The following ARB2A variants were observed in gnomAD, a reference collection of about 807,000 sequenced individuals.
ARB2A encodes cotranscriptional regulator ARB2A.
the ARB2A span, among the ~76,000 whole-genome samples, chr5:94,038,456 T>C: frequency 6.6e-6 from 1 of 152,138 alleles, no homozygotes; most frequent in African/African-American, 2.4e-5. Context: ...TTAAGGGCTA[T>C]GTATTTTTTA....
the ARB2A span, among the ~76,000 whole-genome samples, chr5:93,841,082 T>G: frequency 2.0e-5 from 3 of 152,106 alleles, no homozygotes. Context: ...CCTACTCACT[T>G]TAATAAAATT....
At chr5:93,887,256 T>TAA in the ARB2A span, among the ~76,000 whole-genome samples, 1 of 81,394 alleles carries the variant, frequency 1.2e-5, no homozygotes, top group African/African-American at 4.3e-5. Flanking sequence ...AGTGAGTGGA[T>TAA]AAAAAAAAAA....
At chr5:93,976,987 T>G in the ARB2A span, among the ~76,000 whole-genome samples, 1 of 150,920 alleles carries the variant, frequency 6.6e-6, no homozygotes, top group Non-Finnish European at 1.5e-5. Flanking sequence ...AAATTAAGAA[T>G]GCAATACCAT....
At chr5:94,027,192 A>G in the ARB2A span, among the ~76,000 whole-genome samples, 1 of 152,182 alleles carries the variant, frequency 6.6e-6, no homozygotes, top group African/African-American at 2.4e-5. Context: ...GAAGAATGCC[A>G]AGCTTGGGAG....
At chr5:93,830,349 A>ATG in the ARB2A span, among the ~76,000 whole-genome samples, 1 of 141,610 alleles carries the variant, frequency 7.1e-6, no homozygotes, top group East Asian at 2.0e-4. Flanking sequence ...ATATATATAT[A>ATG]TATCCACACA....
chr5:93,903,713 G>C, the ARB2A span, among the ~76,000 whole-genome samples: 1 of 143,378 alleles, frequency 7.0e-6, no homozygotes, highest in African/African-American at 2.5e-5. Flanking sequence ...ATATATCTGT[G>C]TGTGTGTGTG....
At chr5:93,812,202 G>A in the ARB2A span, among the ~76,000 whole-genome samples, 3 of 152,046 alleles carry the variant, frequency 2.0e-5, no homozygotes, top group African/African-American at 7.2e-5. Context: ...GCCCTACAAT[G>A]TGTAATAGGA....
chr5:93,998,911 G>C, the ARB2A span, among the ~76,000 whole-genome samples: 1 of 151,912 alleles, frequency 6.6e-6, no homozygotes, highest in East Asian at 1.9e-4. Context: ...AAAAGAAATA[G>C]CATAAAACAT....
the ARB2A span, among the ~76,000 whole-genome samples, chr5:94,085,960 G>A: frequency 1.8e-4 from 27 of 152,102 alleles, no homozygotes; most frequent in South Asian, 6.2e-4. Context: ...TGATAAAACC[G>A]TAAGAAAAAT....
the ARB2A span, among the ~76,000 whole-genome samples, chr5:93,880,537 T>G: frequency 5.3e-5 from 8 of 151,758 alleles, no homozygotes; most frequent in African/African-American, 1.4e-4. Context: ...ATTTTCTCTG[T>G]GTTTAAATGT....
the ARB2A span, among the ~76,000 whole-genome samples, chr5:94,053,864 G>A: frequency 1.3e-5 from 2 of 152,222 alleles, no homozygotes; most frequent in East Asian, 3.9e-4. Context: ...TGCCTCCCAG[G>A]CTCAAGTGAT....
chr5:93,671,776 T>C, the ARB2A span, among the ~76,000 whole-genome samples: 1 of 152,182 alleles, frequency 6.6e-6, no homozygotes, highest in Non-Finnish European at 1.5e-5. Context: ...ATTGTTATAA[T>C]TGGTTGGTCA....
the ARB2A span, among the ~76,000 whole-genome samples, chr5:94,073,671 C>A: frequency 6.6e-6 from 1 of 152,192 alleles, no homozygotes; most frequent in East Asian, 1.9e-4. Context: ...TAGACAGAAA[C>A]TGTGACATAC....
At chr5:93,678,953 T>C in the ARB2A span, among the ~76,000 whole-genome samples, 1 of 152,192 alleles carries the variant, frequency 6.6e-6, no homozygotes, top group African/African-American at 2.4e-5. Context: ...CCATCGGCAA[T>C]GTTTTTCTTA....
chr5:93,928,011 A>G, the ARB2A span, among the ~76,000 whole-genome samples: 2 of 149,066 alleles, frequency 1.3e-5, no homozygotes, highest in East Asian at 3.9e-4. Flanking sequence ...TTTTTTTTTC[A>G]TATTTGGAAT....
the ARB2A span, among the ~76,000 whole-genome samples, chr5:93,628,077 T>C: frequency 7.2e-6 from 1 of 138,300 alleles, no homozygotes; most frequent in African/African-American, 3.1e-5. Context: ...TTTTTTTTTT[T>C]TGAGATGGAG....
the ARB2A span, among the ~76,000 whole-genome samples, chr5:93,721,656 T>C: frequency 6.6e-6 from 1 of 152,138 alleles, no homozygotes; most frequent in African/African-American, 2.4e-5. Flanking sequence ...AGGAACTTAT[T>C]AGCTGAGGAC....
chr5:93,884,432 G>A, the ARB2A span, among the ~76,000 whole-genome samples: 1 of 151,486 alleles, frequency 6.6e-6, no homozygotes, highest in Admixed American at 6.6e-5. Context: ...CTAAGTAACT[G>A]AAAATTACAT....
At chr5:93,919,370 G>A in the ARB2A span, among the ~76,000 whole-genome samples, 1 of 152,034 alleles carries the variant, frequency 6.6e-6, no homozygotes, top group Non-Finnish European at 1.5e-5. Flanking sequence ...CTAGAAGAGA[G>A]AAGAATCAAT....
Sources: allele counts gnomAD v4.1 joint callset (sites outside exome capture counted in the v4.1 genomes callset), GRCh38; gene constraint gnomAD v4.1.1; transcripts MANE v1.5; gene names NCBI Gene and HGNC (gene_info 2026-07-23, HGNC 2026-07-21).